The following ANAPC10 variants were observed in gnomAD, a reference collection of about 807,000 sequenced individuals.
ANAPC10 encodes the protein anaphase-promoting complex subunit 10.
A neutral mutation model predicts 22.0 loss-of-function variants in ANAPC10; 12 were observed. The ratio of observed to expected loss-of-function variants is 0.55; its 90% CI spans 0.35 to 0.88. ANAPC10 has a LOEUF of 0.88. ANAPC10 is among the 40% of genes least tolerant of loss of function. The pLI is 0.01. For synonymous variants in ANAPC10, 65 were observed against 69.5 expected, an observed-to-expected ratio of 0.94 and a Z score of 0.32; for missense variants, 188 against 220.9, an observed-to-expected ratio of 0.85 and a Z score of 0.94.
intron 4 of ANAPC10, among the ~76,000 whole-genome samples, chr4:145,024,872 C>G (rs1027049449): frequency 5.3e-5 from 8 of 152,208 alleles, no homozygotes; most frequent in Admixed American, 2.6e-4. Context: ...TCGTAGTTGG[C>G]ATCTTCTTCC....
intron 4 of ANAPC10, among the ~76,000 whole-genome samples, chr4:145,003,973 C>A (rs75873062): frequency 1.3e-5 from 2 of 152,122 alleles, no homozygotes; most frequent in Admixed American, 6.6e-5. Flanking sequence ...ATCCATGAGC[C>A]TGGAAGGTTT....
intron 1 of ANAPC10, among the ~76,000 whole-genome samples, chr4:145,096,682 G>A (rs1157712297): frequency 6.6e-6 from 1 of 152,024 alleles, no homozygotes; most frequent in African/African-American, 2.4e-5. Flanking sequence ...TTTTATTCTA[G>A]GAATATATAA....
chr4:145,033,097 T>G (rs994100671), intron 4 of ANAPC10: 2 of 152,246 alleles, frequency 1.3e-5, no homozygotes, highest in African/African-American at 4.8e-5. Context: ...AATAGCCTTT[T>G]GAAGTCACAA....
chr4:145,069,512 G>T (rs1227242811), intron 3 of ANAPC10, among the ~76,000 whole-genome samples: 2 of 152,146 alleles, frequency 1.3e-5, no homozygotes, highest in African/African-American at 2.4e-5. Flanking sequence ...GGGCACAGAG[G>T]ACTGGGAATC....
intron 4 of ANAPC10, among the ~76,000 whole-genome samples, chr4:145,004,114 A>G (rs1024545748): frequency 6.6e-5 from 10 of 151,836 alleles, no homozygotes; most frequent in African/African-American, 2.2e-4. Context: ...TGTGAATAGA[A>G]CTGCATTCTT....
At chr4:145,085,766 C>T (rs1412831533) in intron 2 of ANAPC10, among the ~76,000 whole-genome samples, 1 of 152,112 alleles carries the variant, frequency 6.6e-6, no homozygotes, top group Non-Finnish European at 1.5e-5. Flanking sequence ...TTCAATATGC[C>T]TTACAAACGG....
chr4:145,017,335 A>C (rs1009996553), intron 4 of ANAPC10, among the ~76,000 whole-genome samples: 4 of 152,250 alleles, frequency 2.6e-5, no homozygotes, highest in African/African-American at 4.8e-5. Flanking sequence ...TTCTCAAAAG[A>C]AGACATTTAT....
At chr4:145,050,785 C>G (rs1412739360) in intron 4 of ANAPC10, among the ~76,000 whole-genome samples, 1 of 152,182 alleles carries the variant, frequency 6.6e-6, no homozygotes, top group Non-Finnish European at 1.5e-5. Context: ...CCTCTCTCAG[C>G]CTTCCTAATA....
intron 3 of ANAPC10, among the ~76,000 whole-genome samples, chr4:145,081,099 T>C (rs1269502688): frequency 1.3e-5 from 2 of 151,934 alleles, no homozygotes; most frequent in South Asian, 2.1e-4. Context: ...AGCGGCCAAC[T>C]GTCTCTTATT....
intron 3 of ANAPC10, among the ~76,000 whole-genome samples, chr4:145,070,374 T>C (rs1744318415): frequency 6.6e-6 from 1 of 152,214 alleles, no homozygotes; most frequent in South Asian, 2.1e-4. Flanking sequence ...AAGCAGTCAT[T>C]TCTCTGAAGA....
At chr4:145,030,231 T>TTA (rs1442063406) in intron 4 of ANAPC10, among the ~76,000 whole-genome samples, 1 of 152,180 alleles carries the variant, frequency 6.6e-6, no homozygotes, top group Non-Finnish European at 1.5e-5. Flanking sequence ...CTAATCTGAA[T>TTA]TATAAAAACA....
chr4:145,028,182 T>C (rs901493563), intron 4 of ANAPC10, among the ~76,000 whole-genome samples: 1 of 152,148 alleles, frequency 6.6e-6, no homozygotes, highest in African/African-American at 2.4e-5. Flanking sequence ...CCAAAAGAGA[T>C]TAACATTTGA....
chr4:145,031,995 C>A (rs983805903), intron 4 of ANAPC10, among the ~76,000 whole-genome samples: 15 of 152,164 alleles, frequency 9.9e-5, no homozygotes, highest in African/African-American at 3.6e-4. Flanking sequence ...CAGGCTCGAG[C>A]AGGTCCGGAA....
At chr4:145,033,489 T>C (rs547238996) in intron 4 of ANAPC10, 2 of 152,388 alleles carry the variant, frequency 1.3e-5, no homozygotes, top group East Asian at 3.9e-4. Context: ...TTGGCTGGGA[T>C]GACTGACCTG....
At chr4:145,061,454 A>C (rs1488710542) in intron 4 of ANAPC10, among the ~76,000 whole-genome samples, 1 of 152,220 alleles carries the variant, frequency 6.6e-6, no homozygotes, top group African/African-American at 2.4e-5. Flanking sequence ...AGGAAAAACA[A>C]GTACAACTAA....
At chr4:145,015,262 G>A (rs1017297570) in intron 4 of ANAPC10, among the ~76,000 whole-genome samples, 3 of 151,890 alleles carry the variant, frequency 2.0e-5, no homozygotes, top group Non-Finnish European at 2.9e-5. Context: ...ACTTCAGGAC[G>A]CATTGGATAT....
chr4:145,002,843 G>C (rs943583204), intron 4 of ANAPC10, among the ~76,000 whole-genome samples: 1 of 151,974 alleles, frequency 6.6e-6, no homozygotes, highest in Non-Finnish European at 1.5e-5. Flanking sequence ...TATTATTTTT[G>C]TTGTAAAAGG....
intron 4 of ANAPC10, among the ~76,000 whole-genome samples, chr4:145,002,555 A>G (rs898263109): frequency 1.3e-5 from 2 of 152,146 alleles, no homozygotes; most frequent in African/African-American, 4.8e-5. Context: ...AAAGTAACTT[A>G]TTTTTTAAAA....
Position 145,098,137 on chromosome 4 carries a change from G to A in ANAPC10, c.-30C>T. 1 of 152,490 alleles carries A rather than the reference G, an allele frequency of 6.6e-6. No individual in the cohort carries two copies. The highest frequency in any genetic ancestry group is 1.9e-4 in the East Asian group (1 of 5,200). 9.4% of individuals were successfully genotyped at this position (152,490 alleles called of 1,614,324 possible). A position where few individuals can be genotyped will look rare whatever the true frequency, so the allele number is the denominator to read the frequency against. ...ACACTCACAGTTTCCAGACCTGGCT[G>A]CTTGCCGAAACTCAGATTCTCGGCA... On this transcript the variant is annotated 5_prime_UTR_variant, in exon 1 of 5. Coordinates refer to ENST00000507656, the MANE Select transcript of ANAPC10 (RefSeq NM_001256706.2).
Sources: gnomAD v4.1 joint callset for allele counts (sites outside exome capture counted in the v4.1 genomes callset) on GRCh38, gnomAD v4.1.1 for gene constraint, MANE v1.5 for transcripts, NCBI Gene and HGNC (gene_info 2026-07-23, HGNC 2026-07-21) for gene names.